Variants in ADGRG6 observed in about 807,000 individuals in gnomAD.
ADGRG6 encodes adhesion G protein-coupled receptor G6, also known as G-protein coupled receptor 126.
ADGRG6 carries 84 observed loss-of-function variants against 142.4 expected under a neutral mutation model. The observed-to-expected ratio is 0.59, with a 90% CI of 0.49 to 0.71. The LOEUF is 0.71. Ranked by LOEUF, ADGRG6 falls within the 30% of genes least tolerant of loss-of-function variation. The pLI, the probability that ADGRG6 is intolerant of heterozygous loss-of-function variation, is 0.00. For missense variants in ADGRG6, 1,367 were observed against 1,466.6 expected, an observed-to-expected ratio of 0.93 and a Z score of 1.11; for synonymous variants, 521 against 520.5, an observed-to-expected ratio of 1.00 and a Z score of -0.01.
At chr6:142,337,765 C>G (rs980213922) in intron 2 of ADGRG6, among the ~76,000 whole-genome samples, 2 of 151,870 alleles carry the variant, frequency 1.3e-5, no homozygotes, top group African/African-American at 4.8e-5. Flanking sequence ...GTTGCTAAGT[C>G]CAGCTCTATT....
intron 12 of ADGRG6, 150 bp downstream of exon 12, chr6:142,402,208 A>G (rs1038439058): frequency 5.5e-6 from 3 of 543,672 alleles, no homozygotes; most frequent in Non-Finnish European, 9.9e-6. Flanking sequence ...GACAGAAAAT[A>G]CTTTTTACTC....
chr6:142,409,769 C>T (rs1053587607), intron 16 of ADGRG6, 105 bp from the exon 17 acceptor site: 11 of 551,804 alleles, frequency 2.0e-5, no homozygotes, highest in African/African-American at 3.9e-5. Flanking sequence ...CATGTTAATA[C>T]TAATCTATTT....
chr6:142,438,453 C>A, intron 24 of ADGRG6, 89 bp downstream of exon 24: 1 of 710,976 alleles, frequency 1.4e-6, no homozygotes, highest in African/African-American at 1.8e-5. Context: ...ATCACAGTGC[C>A]TAAGAGGGTG....
chr6:142,431,473 T>A (rs1365544754), intron 22 of ADGRG6, among the ~76,000 whole-genome samples: 3 of 152,184 alleles, frequency 2.0e-5, no homozygotes, highest in Non-Finnish European at 4.4e-5. Flanking sequence ...TTGGGCCATT[T>A]TATTTCTACC....
chr6:142,378,928 CTT>C (rs1483705460), intron 4 of ADGRG6, among the ~76,000 whole-genome samples: 3 of 152,180 alleles, frequency 2.0e-5, no homozygotes, highest in Admixed American at 2.0e-4. Flanking sequence ...GTCTATAGCT[CTT>C]TTTCTTATAT....
intron 7 of ADGRG6, among the ~76,000 whole-genome samples, chr6:142,390,750 C>T (rs1774853307): frequency 6.6e-6 from 1 of 151,794 alleles, no homozygotes; most frequent in African/African-American, 2.4e-5. Flanking sequence ...ATCCTTGCTG[C>T]TCATCTGCAT....
intron 6 of ADGRG6, among the ~76,000 whole-genome samples, chr6:142,385,065 G>A (rs1031470969): frequency 1.3e-5 from 2 of 151,894 alleles, no homozygotes; most frequent in Non-Finnish European, 2.9e-5. Flanking sequence ...TTCACTCTTT[G>A]TATGAACATA....
At chr6:142,437,222 G>A (rs1222786973) in intron 22 of ADGRG6, among the ~76,000 whole-genome samples, 1 of 152,174 alleles carries the variant, frequency 6.6e-6, no homozygotes, top group Non-Finnish European at 1.5e-5. Flanking sequence ...TCAGATCCCT[G>A]TGGTTATTCT....
chr6:142,319,950 T>G (rs1778432802), intron 2 of ADGRG6, among the ~76,000 whole-genome samples: 1 of 152,178 alleles, frequency 6.6e-6, no homozygotes, highest in South Asian at 2.1e-4. Flanking sequence ...CAGAAAAAGA[T>G]GTAGTTCATT....
At chr6:142,442,403 C>T (rs921257015) in intron 24 of ADGRG6, among the ~76,000 whole-genome samples, 9 of 152,032 alleles carry the variant, frequency 5.9e-5, no homozygotes, top group Middle Eastern at 3.2e-3. Flanking sequence ...GACAACCATA[C>T]GTCTTTATAG....
In ADGRG6 at chr6:142,366,442, T is replaced by C. The variant is rs78728277; in HGVS notation, c.104-1127T>C. Reference sequence around the variant, plus strand: ...CTCATGGCATGCTCCTTCACATCATTCAGTTGGATCTCTCCTCAAATGTCA... The same window carrying C: ...CTCATGGCATGCTCCTTCACATCATCCAGTTGGATCTCTCCTCAAATGTCA... On this transcript the variant is annotated intron_variant, in intron 2 of 24. Transcript: ENST00000367609. Among the ~76,000 whole-genome samples, 109 of 152,306 alleles carry C rather than the reference T, an allele frequency of 7.2e-4. 2 individuals are homozygous for C. The East Asian group carries it at 0.015, about 22-fold the overall frequency.
chr6:142,399,254 G>C (rs77839965), intron 10 of ADGRG6, among the ~76,000 whole-genome samples: 2,544 of 152,248 alleles, frequency 0.017, 76 homozygotes, highest in African/African-American at 0.057. Flanking sequence ...GTCTAGTAAA[G>C]AGGCAGGCAT....
intron 22 of ADGRG6, among the ~76,000 whole-genome samples, chr6:142,425,077 G>T (rs1776873750): frequency 6.6e-6 from 1 of 152,190 alleles, no homozygotes; most frequent in Non-Finnish European, 1.5e-5. Flanking sequence ...AAAAGTGCAG[G>T]ATAGTGACAA....
At chr6:142,417,006 C>A in intron 20 of ADGRG6, 1 of 465,300 alleles carries the variant, frequency 2.1e-6, no homozygotes, top group Non-Finnish European at 3.9e-6. Flanking sequence ...CAGTGAGTCC[C>A]ACTAAGCAAA....
At position 142,367,438 on chromosome 6, in the gene ADGRG6, AT is replaced by A. The variant is rs968221986; in HGVS notation, c.104-125del. The stretch of plus-strand genomic sequence containing the variant: ...CTCAAGAGGGTTTCATTTTCCATTT[AT>A]TTTTTATGATTGTATGTTGGTATTT... On this transcript the variant is annotated intron_variant, in intron 2 of 24. Transcript: ENST00000367609. The A allele has an allele frequency of 8.0e-6, 5 of 625,244 alleles. No homozygotes were observed. In the African/African-American group the frequency reaches 9.3e-5, roughly 12 times the overall value. The allele number at this position is 625,244 out of a possible 1,614,324, so 38.7% of individuals were successfully genotyped here.
chr6:142,397,902 T>C (rs1221528529), intron 10 of ADGRG6, 147 bp downstream of exon 10: 2 of 498,176 alleles, frequency 4.0e-6, no homozygotes, highest in East Asian at 3.5e-5. Flanking sequence ...ATGAATGACA[T>C]AGCAGAAAAA....
chr6:142,338,959 A>G (rs1427870602), intron 2 of ADGRG6, among the ~76,000 whole-genome samples: 1 of 151,820 alleles, frequency 6.6e-6, no homozygotes, highest in Non-Finnish European at 1.5e-5. Flanking sequence ...ACACAAACAC[A>G]CTCCACATTT....
intron 9 of ADGRG6, 108 bp from the exon 10 acceptor site, chr6:142,397,505 C>G: frequency 1.1e-6 from 1 of 926,780 alleles, no homozygotes; most frequent in East Asian, 2.6e-5. Context: ...TCTCTTCAGT[C>G]TCAACAGGTG....
chr6:142,344,941 TCAAATACAGAGTACTTC>T (rs1014099685), intron 2 of ADGRG6, among the ~76,000 whole-genome samples: 1 of 151,952 alleles, frequency 6.6e-6, no homozygotes, highest in African/African-American at 2.4e-5. Context: ...TACTGCCACT[TCAAATACAGAGTACTTC>T]CAAATACTGA....
Sources: gnomAD v4.1 joint callset for allele counts (sites outside exome capture counted in the v4.1 genomes callset) on GRCh38, gnomAD v4.1.1 for gene constraint, MANE v1.5 for transcripts, NCBI Gene and HGNC (gene_info 2026-07-23, HGNC 2026-07-21) for gene names.